The following TMEM132D variants were observed in gnomAD, a reference collection of about 807,000 sequenced individuals.
The protein encoded by TMEM132D is mature OL transmembrane protein.
A neutral mutation model predicts 62.3 loss-of-function variants in TMEM132D; 21 were observed. That is an observed-to-expected ratio of 0.34 (90% CI 0.24 to 0.49). TMEM132D has a LOEUF of 0.49. Ranked by LOEUF, TMEM132D falls within the 20% of genes least tolerant of loss-of-function variation. The pLI is 0.99. For synonymous variants in TMEM132D, 621 were observed against 575.6 expected, an observed-to-expected ratio of 1.08 and a Z score of -1.13; for missense variants, 1,346 against 1,402.8, an observed-to-expected ratio of 0.96 and a Z score of 0.65.
intron 3 of TMEM132D, among the ~76,000 whole-genome samples, chr12:129,354,315 G>GTATATATATATATATATATATATATA (rs35875993): frequency 6.8e-6 from 1 of 147,948 alleles, no homozygotes; most frequent in African/African-American, 2.5e-5. Context: ...ACTTTATTGG[G>GTATATATATATATATATATATATATA]TATATATATA....
chr12:129,604,952 G>A (rs1011140929), intron 2 of TMEM132D, among the ~76,000 whole-genome samples: 5 of 152,158 alleles, frequency 3.3e-5, no homozygotes, highest in Non-Finnish European at 5.9e-5. Context: ...AACAAGAGGA[G>A]ATGCAAGATA....
At chr12:129,201,491 G>A (rs553999151) in intron 5 of TMEM132D, among the ~76,000 whole-genome samples, 1 of 152,298 alleles carries the variant, frequency 6.6e-6, no homozygotes, top group African/African-American at 2.4e-5. Flanking sequence ...TCCTCATTGA[G>A]TTCATGTGCT....
At chr12:129,512,972 G>A (rs1293177516) in intron 3 of TMEM132D, among the ~76,000 whole-genome samples, 1 of 152,358 alleles carries the variant, frequency 6.6e-6, no homozygotes, top group South Asian at 2.1e-4. Context: ...GAAGGCAGGA[G>A]TGTCGAAGAA....
intron 4 of TMEM132D, among the ~76,000 whole-genome samples, chr12:129,252,330 C>T (rs934025190): frequency 5.3e-5 from 8 of 152,124 alleles, no homozygotes; most frequent in Non-Finnish European, 1.2e-4. Flanking sequence ...TTGCTCCTCC[C>T]ACCTGAGGTG....
chr12:129,101,850 G>A (rs12226971), intron 5 of TMEM132D, among the ~76,000 whole-genome samples: 4,610 of 152,058 alleles, frequency 0.03, 293 homozygotes, highest in East Asian at 0.17. Context: ...GACGTATTTC[G>A]GACTATAAAT....
At chr12:129,447,480 GC>G (rs1270985007) in intron 3 of TMEM132D, among the ~76,000 whole-genome samples, 1 of 152,134 alleles carries the variant, frequency 6.6e-6, no homozygotes, top group African/African-American at 2.4e-5. Flanking sequence ...ACTACATACT[GC>G]CTGCCGAGGG....
At position 129,156,664 on chromosome 12, in the gene TMEM132D, G is replaced by A. The variant is rs183642510; in HGVS notation, c.1443+52856C>T. On this transcript the variant is annotated intron_variant, in intron 5 of 8. Transcript: ENST00000422113. Reference sequence around the variant, plus strand: ...ATAACTAACTCACTCCTGTGATACCGAATCCACTCACGAGATAAATAACAC... The same window carrying A: ...ATAACTAACTCACTCCTGTGATACCAAATCCACTCACGAGATAAATAACAC... Among the ~76,000 whole-genome samples the A allele has an allele frequency of 1.6e-3, 235 of 151,046 alleles. 1 individual carries two copies. The highest frequency in any genetic ancestry group is 5.5e-3 in the African/African-American group (225 of 41,080).
intron 3 of TMEM132D, among the ~76,000 whole-genome samples, chr12:129,526,823 A>G (rs570831319): frequency 2.3e-3 from 346 of 152,306 alleles, no homozygotes; most frequent in Non-Finnish European, 8.4e-4. Context: ...GCAATGACAG[A>G]CAGTCCTGAA....
intron 1 of TMEM132D, among the ~76,000 whole-genome samples, chr12:129,844,775 T>C (rs1873309481): frequency 6.6e-6 from 1 of 152,182 alleles, no homozygotes; most frequent in African/African-American, 2.4e-5. Context: ...GTCAAGGGGC[T>C]GAATCACAGT....
At chr12:129,196,388 T>A (rs2135558917) in intron 5 of TMEM132D, among the ~76,000 whole-genome samples, 1 of 152,316 alleles carries the variant, frequency 6.6e-6, no homozygotes, top group Non-Finnish European at 1.5e-5. Flanking sequence ...CCTCTTGTAT[T>A]CTTCTGGGCT....
intron 5 of TMEM132D, among the ~76,000 whole-genome samples, chr12:129,145,657 A>C (rs1440621000): frequency 6.6e-6 from 1 of 152,068 alleles, no homozygotes; most frequent in Non-Finnish European, 1.5e-5. Context: ...CCCTAAAGAC[A>C]TTCGTTTCCA....
intron 1 of TMEM132D, among the ~76,000 whole-genome samples, chr12:129,709,257 A>AT (rs1253011964): frequency 6.6e-6 from 1 of 152,176 alleles, no homozygotes; most frequent in Non-Finnish European, 1.5e-5. Context: ...TGCCCCATTC[A>AT]TTGTATATCT....
intron 4 of TMEM132D, among the ~76,000 whole-genome samples, chr12:129,243,490 G>T (rs892999484): frequency 3.2e-4 from 48 of 152,184 alleles, no homozygotes; most frequent in African/African-American, 1.2e-3. Flanking sequence ...GGGGTGCAGA[G>T]TCCGGCTTAA....
intron 2 of TMEM132D, among the ~76,000 whole-genome samples, chr12:129,564,564 A>G (rs924352561): frequency 6.6e-6 from 1 of 152,100 alleles, no homozygotes; most frequent in Non-Finnish European, 1.5e-5. Flanking sequence ...AAAGCAATTC[A>G]CTTGTATTTC....
At chr12:129,813,484 CGTAAA>C (rs1442145194) in intron 1 of TMEM132D, among the ~76,000 whole-genome samples, 15 of 151,330 alleles carry the variant, frequency 9.9e-5, no homozygotes, top group East Asian at 2.0e-4. Context: ...TTGGTGGGAA[CGTAAA>C]GTAGTCAGTC....
Position 129,673,208 on chromosome 12 carries a change from C to A in TMEM132D, c.968+26602G>T, listed in dbSNP as rs114862263. 2.4e-3 allele frequency among the ~76,000 whole-genome samples: 357 copies of A among 149,798 alleles called. 3 individuals carry two copies. Among genetic ancestry groups the A allele is most frequent in the African/African-American group, 7.8e-3 (325 of 41,406 alleles). Reference sequence around the variant, plus strand: ...GCAACCATGAATCGCTTCTCCATTACTATATATTAACTCTTCCAGAAAGTC... The same window carrying A: ...GCAACCATGAATCGCTTCTCCATTAATATATATTAACTCTTCCAGAAAGTC... On this transcript the variant is annotated intron_variant, in intron 2 of 8. Coordinates refer to ENST00000422113, the MANE Select transcript of TMEM132D (RefSeq NM_133448.3).
intron 3 of TMEM132D, among the ~76,000 whole-genome samples, chr12:129,501,999 CT>C (rs10532306): frequency 0.013 from 1,961 of 149,878 alleles, 17 homozygotes; most frequent in South Asian, 0.045. Context: ...ATTTCTGTGA[CT>C]TTTTTTTTTT....
chr12:129,848,347 T>C (rs1337000772), intron 1 of TMEM132D, among the ~76,000 whole-genome samples: 2 of 152,200 alleles, frequency 1.3e-5, no homozygotes, highest in African/African-American at 4.8e-5. Flanking sequence ...CATGAAGGAA[T>C]TGGGACACAG....
At chr12:129,389,387 C>T (rs1394908902) in intron 3 of TMEM132D, among the ~76,000 whole-genome samples, 6 of 151,986 alleles carry the variant, frequency 3.9e-5, no homozygotes, top group Non-Finnish European at 8.8e-5. Context: ...TACTATGTGC[C>T]AACACTAAGT....
Sources: gnomAD v4.1 joint callset for allele counts (sites outside exome capture counted in the v4.1 genomes callset) on GRCh38, gnomAD v4.1.1 for gene constraint, MANE v1.5 for transcripts, NCBI Gene and HGNC (gene_info 2026-07-23, HGNC 2026-07-21) for gene names.